The following ITGA2 variants were observed in gnomAD, a reference collection of about 807,000 sequenced individuals.
ITGA2 encodes the protein integrin subunit alpha 2.
Under a neutral mutation model 146.3 loss-of-function variants are expected in ITGA2, and 101 were observed. The observed-to-expected ratio is 0.69, with a 90% confidence interval of 0.59 to 0.81. The LOEUF (loss-of-function observed/expected upper bound fraction) is 0.81. Ranked by LOEUF, ITGA2 falls within the 40% of genes least tolerant of loss-of-function variation. The probability of loss-of-function intolerance (pLI) is 0.00; values close to 1 mark genes in which losing one functional copy is unlikely to be tolerated. For missense variants in ITGA2, 1,281 were observed against 1,402.7 expected (o/e 0.91, Z 1.39); for synonymous variants, 477 against 487.1 (o/e 0.98, Z 0.27).
intron 20 of ITGA2, among the ~76,000 whole-genome samples, chr5:53,073,759 G>A (rs1464219366): frequency 6.6e-6 from 1 of 151,688 alleles, no homozygotes; most frequent in Admixed American, 6.6e-5. Context: ...AGGGAGAGAA[G>A]GAAAAGCTGA....
Position 53,042,240 on chromosome 5 carries a change from G to T in ITGA2, c.295+19G>T, listed in dbSNP as rs377623730. On this transcript the variant is annotated intron_variant, in intron 3 of 29. Transcript: ENST00000296585. ...TTGCAAAGTAAGTTTAAATTTACTTGCAAGGCATGTGATTTGTCTTAGACT... is the reference window on the plus strand; with the variant it reads ...TTGCAAAGTAAGTTTAAATTTACTTTCAAGGCATGTGATTTGTCTTAGACT... The T allele has an allele frequency of 1.0e-5, 14 of 1,393,818 alleles. No homozygotes were observed. In the African/African-American group the frequency reaches 1.4e-4, roughly 14 times the overall value. The allele number at this position is 1,393,818 out of a possible 1,614,324, so 86.3% of individuals were successfully genotyped here. A position where few individuals can be genotyped will look rare whatever the true frequency, so the allele number is the denominator to read the frequency against.
In ITGA2 at chr5:53,075,149, T is replaced by TG. The variant is rs1248464141; in HGVS notation, c.2741+13dup. 6.2e-7 allele frequency: 1 copy of TG among 1,607,100 alleles called. No homozygotes were observed. Among genetic ancestry groups the TG allele is most frequent in the Non-Finnish European group, 8.5e-7 (1 of 1,174,342 alleles). ...TTCCAAGCCTTAAGGTAAAACATAA[T>TG]GAAGTCATGAATGGAATGATGGATA... On this transcript the variant is annotated intron_variant, in intron 22 of 29. Transcript: ENST00000296585.
chr5:53,072,280 G>A (rs753525475), intron 18 of ITGA2, among the ~76,000 whole-genome samples: 3 of 151,790 alleles, frequency 2.0e-5, no homozygotes, highest in Non-Finnish European at 2.9e-5. Flanking sequence ...CTGGCCCATT[G>A]TATGTGTTCA....
At chr5:53,083,645 CAG>C (rs1036818360) in intron 27 of ITGA2, among the ~76,000 whole-genome samples, 192 bp downstream of exon 27, 62 of 152,192 alleles carry the variant, frequency 4.1e-4, no homozygotes, top group African/African-American at 1.4e-3. Flanking sequence ...AGCAGTGCCT[CAG>C]AGTCATCTGG....
chr5:53,037,029 A>T (rs1743522638), intron 2 of ITGA2, among the ~76,000 whole-genome samples: 1 of 152,216 alleles, frequency 6.6e-6, no homozygotes, highest in South Asian at 2.1e-4. Flanking sequence ...TCTAGTATTG[A>T]AGAAAACACT....
At chr5:53,013,680 A>G (rs906001467) in intron 1 of ITGA2, among the ~76,000 whole-genome samples, 2 of 152,152 alleles carry the variant, frequency 1.3e-5, no homozygotes, top group African/African-American at 2.4e-5. Flanking sequence ...CATTGAATCT[A>G]TAAATTGGAT....
In ITGA2 at chr5:53,080,600, A is replaced by C; in HGVS notation, c.3018A>C (p.Leu1006=). Reference sequence around the variant, plus strand: ...AAGAAAAGAACCCACTGATGTACCTAACTGGGGTGCAAACAGACAAGGTAA... The same window carrying C: ...AAGAAAAGAACCCACTGATGTACCTCACTGGGGTGCAAACAGACAAGGTAA... The part of the protein sequence containing the change: ...YTKEKNPLMY[L]TGVQTDKAGD... The change falls in exon 25 of 30, where the codon CTA becomes CTC. Residue 1006 remains leucine (L), a synonymous_variant. Transcript: ENST00000296585. The C allele has an allele frequency of 6.2e-7, 1 of 1,613,096 alleles. No homozygotes were observed. Among genetic ancestry groups the C allele is most frequent in the South Asian group, 1.1e-5 (1 of 91,066 alleles).
intron 13 of ITGA2, among the ~76,000 whole-genome samples, chr5:53,063,253 TA>T (rs1239972249): frequency 1.3e-5 from 2 of 152,054 alleles, no homozygotes; most frequent in East Asian, 3.9e-4. Flanking sequence ...ATTTCTCTAG[TA>T]TCACATGTAA....
chr5:53,017,830 G>C (rs930056289), intron 1 of ITGA2, among the ~76,000 whole-genome samples: 1 of 152,196 alleles, frequency 6.6e-6, no homozygotes, highest in Non-Finnish European at 1.5e-5. Flanking sequence ...GTGTGGGCCA[G>C]CAAAGCAGTG....
chr5:53,055,511 GTCTTTA>G (rs1389585653), intron 7 of ITGA2, 21 bp from the exon 8 acceptor site: 3 of 1,609,364 alleles, frequency 1.9e-6, no homozygotes, highest in Non-Finnish European at 2.5e-6. Context: ...TTGATAGCAA[GTCTTTA>G]TTTAATTTTA....
intron 6 of ITGA2, among the ~76,000 whole-genome samples, chr5:53,050,368 G>A (rs1203500881): frequency 6.6e-6 from 1 of 152,022 alleles, no homozygotes; most frequent in Non-Finnish European, 1.5e-5. Context: ...GCTCTGTCGT[G>A]GGATTACTAC....
chr5:53,040,113 A>G (rs1313455938), intron 2 of ITGA2, among the ~76,000 whole-genome samples: 1 of 152,150 alleles, frequency 6.6e-6, no homozygotes, highest in Non-Finnish European at 1.5e-5. Flanking sequence ...TAATGAGTAG[A>G]CATTGCCAGG....
intron 2 of ITGA2, among the ~76,000 whole-genome samples, chr5:53,041,367 T>C (rs935171109): frequency 1.3e-5 from 2 of 152,218 alleles, no homozygotes; most frequent in African/African-American, 2.4e-5. Context: ...ATATGCACTT[T>C]GTTACACATA....
intron 9 of ITGA2, among the ~76,000 whole-genome samples, chr5:53,056,888 C>A (rs981288391): frequency 6.6e-6 from 1 of 151,596 alleles, no homozygotes; most frequent in African/African-American, 2.4e-5. Context: ...TAACTCTTTG[C>A]AATAAAGACC....
chr5:53,081,734 A>G (rs1745930404), intron 26 of ITGA2, 38 bp downstream of exon 26: 1 of 1,364,278 alleles, frequency 7.3e-7, no homozygotes, highest in Non-Finnish European at 1.0e-6. Context: ...CCCCTCATTC[A>G]TTTATTTCAC....
chr5:53,053,092 A>G (rs939065946), intron 7 of ITGA2, among the ~76,000 whole-genome samples: 7 of 152,158 alleles, frequency 4.6e-5, no homozygotes, highest in African/African-American at 1.7e-4. Context: ...AGTCAGTCGA[A>G]CTAAAAATTT....
chr5:52,998,406 A>T, intron 1 of ITGA2, among the ~76,000 whole-genome samples: 1 of 152,136 alleles, frequency 6.6e-6, no homozygotes, highest in East Asian at 1.9e-4. Flanking sequence ...GTGAGCCAAG[A>T]TTGGTGCCAC....
At chr5:52,993,537 C>T (rs1741075838) in intron 1 of ITGA2, among the ~76,000 whole-genome samples, 1 of 152,166 alleles carries the variant, frequency 6.6e-6, no homozygotes, top group South Asian at 2.1e-4. Context: ...ATTTCAACAT[C>T]AAGAGTTAGT....
At chr5:53,067,971 G>GATATGCATATCA (rs2111983601) in intron 16 of ITGA2, among the ~76,000 whole-genome samples, 1 of 151,944 alleles carries the variant, frequency 6.6e-6, no homozygotes, top group East Asian at 2.0e-4. Context: ...ATCTCACCAT[G>GATATGCATATCA]CTCAATGCAT....
Sources: gnomAD v4.1 joint callset for allele counts (sites outside exome capture counted in the v4.1 genomes callset) on GRCh38, gnomAD v4.1.1 for gene constraint, MANE v1.5 for transcripts, NCBI Gene and HGNC (gene_info 2026-07-23, HGNC 2026-07-21) for gene names.